CNKSR2: variants seen among roughly 807,000 people sequenced by gnomAD.
CNKSR2 encodes CNK homolog protein 2.
CNKSR2 carries 14 observed loss-of-function variants against 84.4 expected under a neutral mutation model. The observed-to-expected ratio is 0.17, with a 90% confidence interval of 0.11 to 0.26. CNKSR2 has a LOEUF of 0.26. Ranked by LOEUF, CNKSR2 falls within the 10% of genes least tolerant of loss-of-function variation. The probability of loss-of-function intolerance (pLI) is 1.00; values close to 1 mark genes in which losing one functional copy is unlikely to be tolerated. For synonymous variants in CNKSR2, 275 were observed against 277.9 expected (o/e 0.99, Z 0.10); for missense variants, 485 against 771.2 (o/e 0.63, Z 4.40).
intron 4 of CNKSR2, among the ~76,000 whole-genome samples, chrX:21,447,423 A>G (rs2090870087): frequency 9.0e-6 from 1 of 111,396 alleles, no homozygotes; most frequent in Non-Finnish European, 1.9e-5. Context: ...GAATTACTGT[A>G]TTTGAGTCCT....
intron 18 of CNKSR2, among the ~76,000 whole-genome samples, chrX:21,603,159 A>G (rs1414492131): frequency 8.9e-6 from 1 of 112,488 alleles, no homozygotes; most frequent in Non-Finnish European, 1.9e-5. Flanking sequence ...AGAGAATCAT[A>G]GGCAGAAGCT....
intron 1 of CNKSR2, among the ~76,000 whole-genome samples, chrX:21,388,549 A>T (rs971894881): frequency 1.8e-5 from 2 of 112,384 alleles, no homozygotes; most frequent in African/African-American, 3.2e-5. Flanking sequence ...AAGACTGAAA[A>T]GCCAATCTGA....
At chrX:21,435,377 T>G (rs962737646) in intron 3 of CNKSR2, among the ~76,000 whole-genome samples, 1 of 111,397 alleles carries the variant, frequency 9.0e-6, no homozygotes, top group African/African-American at 3.3e-5. Flanking sequence ...TAGGGCGTAA[T>G]AGTGTGCTAG....
chrX:21,489,536 G>A (rs1391673417), intron 5 of CNKSR2, among the ~76,000 whole-genome samples: 1 of 111,546 alleles, frequency 9.0e-6, no homozygotes, highest in African/African-American at 3.3e-5. Flanking sequence ...CATATTTTAG[G>A]GCAGTATATT....
chrX:21,646,519 G>A (rs1376518678), intron 20 of CNKSR2, among the ~76,000 whole-genome samples: 2 of 111,066 alleles, frequency 1.8e-5, no homozygotes, highest in Non-Finnish European at 3.8e-5. Flanking sequence ...GGGAAAACTG[G>A]GTCAAAATGT....
chrX:21,601,404 C>T, intron 18 of CNKSR2, 55 bp downstream of exon 18: 1 of 738,122 alleles, frequency 1.4e-6, no homozygotes. Context: ...CTGCAGTTAT[C>T]CTATACAGAA....
chrX:21,381,138 G>T lies in CNKSR2; in HGVS notation c.64+6177G>T, dbSNP rs183333570. On this transcript the variant is annotated intron_variant, in intron 1 of 21. Transcript: ENST00000379510. Reference sequence around the variant, plus strand: ...TGATCAAAAGAAGCCAAAGAGTTGTGTTTTTTTTGTTTTTTGCTAAGCTTT... The same window carrying T: ...TGATCAAAAGAAGCCAAAGAGTTGTTTTTTTTTTGTTTTTTGCTAAGCTTT... Among the ~76,000 whole-genome samples, 1,064 of 111,011 alleles carry T rather than the reference G, an allele frequency of 9.6e-3. 13 individuals are homozygous for T. The highest frequency in any genetic ancestry group is 0.032 in the African/African-American group (979 of 30,528).
At chrX:21,561,721 C>T (rs955895470) in intron 12 of CNKSR2, among the ~76,000 whole-genome samples, 161 bp downstream of exon 12, 5 of 111,193 alleles carry the variant, frequency 4.5e-5, no homozygotes, top group African/African-American at 6.5e-5. Flanking sequence ...CTATCTTGAC[C>T]CATTATTAAA....
intron 1 of CNKSR2, among the ~76,000 whole-genome samples, chrX:21,402,298 A>G (rs1045294779): frequency 1.8e-5 from 2 of 111,506 alleles, no homozygotes; most frequent in African/African-American, 6.5e-5. Flanking sequence ...TGTTTATTCA[A>G]TAGAATTTGG....
chrX:21,448,525 T>C (rs1406559976), intron 4 of CNKSR2, among the ~76,000 whole-genome samples: 1 of 111,518 alleles, frequency 9.0e-6, no homozygotes. Context: ...ATGAATTACA[T>C]GACATAGATT....
At chrX:21,454,227 G>A (rs2090970534) in intron 4 of CNKSR2, among the ~76,000 whole-genome samples, 1 of 111,521 alleles carries the variant, frequency 9.0e-6, no homozygotes, top group Non-Finnish European at 1.9e-5. Flanking sequence ...TATGACTGTT[G>A]CCCTACCACC....
intron 18 of CNKSR2, among the ~76,000 whole-genome samples, chrX:21,606,305 G>A (rs2092516444): frequency 8.9e-6 from 1 of 112,228 alleles, no homozygotes; most frequent in Non-Finnish European, 1.9e-5. Flanking sequence ...GTGAACTGAA[G>A]CCAGAGAAGA....
At chrX:21,550,991 G>A (rs747695290) in intron 11 of CNKSR2, among the ~76,000 whole-genome samples, 10 of 106,181 alleles carry the variant, frequency 9.4e-5, no homozygotes, top group South Asian at 4.4e-4. Context: ...AGCCGAGACC[G>A]TTGCACTCCA....
rs372481465 is a variant in CNKSR2, at chrX:21,392,476, C to T, written c.64+17515C>T. ...GCAAAGGAGAAGCAGGCATGCCTTACGTGGTTGGAGAAGGAGGAAGAGAGC... is the reference window on the plus strand; with the variant it reads ...GCAAAGGAGAAGCAGGCATGCCTTATGTGGTTGGAGAAGGAGGAAGAGAGC... On this transcript the variant is annotated intron_variant, in intron 1 of 21. Transcript: ENST00000379510. 2.0e-4 allele frequency among the ~76,000 whole-genome samples: 22 copies of T among 111,722 alleles called. 1 individual carries two copies. The East Asian group carries it at 3.4e-3, about 17-fold the overall frequency.
At chrX:21,476,157 A>G (rs1381536023) in intron 5 of CNKSR2, among the ~76,000 whole-genome samples, 1 of 111,100 alleles carries the variant, frequency 9.0e-6, no homozygotes, top group Non-Finnish European at 1.9e-5. Flanking sequence ...ATCCTTCCAC[A>G]TGAAGTAGGT....
intron 13 of CNKSR2, among the ~76,000 whole-genome samples, chrX:21,571,600 C>T (rs182846284): frequency 9.0e-6 from 1 of 111,668 alleles, no homozygotes; most frequent in East Asian, 2.8e-4. Flanking sequence ...CAGAATTTAC[C>T]TTAAAGAGCT....
At chrX:21,628,581 T>G (rs1388624368) in intron 20 of CNKSR2, among the ~76,000 whole-genome samples, 4 of 112,082 alleles carry the variant, frequency 3.6e-5, no homozygotes, top group African/African-American at 1.3e-4. Flanking sequence ...ACCCACAGGC[T>G]GAACACCACA....
chrX:21,600,722 A>G (rs1444140049), intron 17 of CNKSR2, among the ~76,000 whole-genome samples: 1 of 112,623 alleles, frequency 8.9e-6, no homozygotes, highest in Non-Finnish European at 1.9e-5. Flanking sequence ...TTAAAATTGT[A>G]TAAGTTCATT....
At chrX:21,521,662 G>C (rs950000741) in intron 9 of CNKSR2, among the ~76,000 whole-genome samples, 1 of 110,530 alleles carries the variant, frequency 9.0e-6, no homozygotes, top group African/African-American at 3.3e-5. Context: ...CCATTTTATA[G>C]TGTGACTCTT....
Sources: allele counts gnomAD v4.1 joint callset (sites outside exome capture counted in the v4.1 genomes callset), GRCh38; gene constraint gnomAD v4.1.1; transcripts MANE v1.5; gene names NCBI Gene and HGNC (gene_info 2026-07-23, HGNC 2026-07-21).